WDR73: variants seen among roughly 807,000 people sequenced by gnomAD.
The protein encoded by WDR73 is WD repeat domain 73.
WDR73 carries 30 observed loss-of-function variants against 38.2 expected under a neutral mutation model. The observed-to-expected ratio is 0.79, with a 90% CI of 0.59 to 1.06. The LOEUF (loss-of-function observed/expected upper bound fraction) is 1.06. Among genes scored for constraint, WDR73 ranks in the 50% least tolerant of loss-of-function variants. The pLI is 0.00. For synonymous variants in WDR73, 197 were observed against 176.0 expected, an observed-to-expected ratio of 1.12 and a Z score of -0.94; for missense variants, 487 against 467.0, an observed-to-expected ratio of 1.04 and a Z score of -0.40.
intron 3 of WDR73, among the ~76,000 whole-genome samples, chr15:84,649,758 C>T (rs939816722): frequency 1.3e-5 from 2 of 152,148 alleles, no homozygotes; most frequent in African/African-American, 4.8e-5. Flanking sequence ...ACATAAGCCA[C>T]CACACCTGGT....
chr15:84,646,200 C>T lies in WDR73; in HGVS notation c.501G>A (p.Lys167=), dbSNP rs1896453632. Residue 167 remains lysine (K), a synonymous_variant, in exon 6 of 8, where the codon AAG becomes AAA. Coordinates refer to ENST00000434634, the MANE Select transcript of WDR73 (RefSeq NM_032856.5). ...SLQVVDLESR[K]TTYTSDVSDS... ...CCACGGTACCTGAGGTGTACGTGGTCTTCCGGGACTCCAGATCAACGACCT... is the reference window on the plus strand; with the variant it reads ...CCACGGTACCTGAGGTGTACGTGGTTTTCCGGGACTCCAGATCAACGACCT... 1 of 1,613,770 alleles carries T rather than the reference C, an allele frequency of 6.2e-7. No homozygotes were observed. The highest frequency in any genetic ancestry group is 1.1e-5 in the South Asian group (1 of 91,078).
In WDR73 at chr15:84,642,567, G is replaced by A. The variant is rs1896295286; in HGVS notation, c.*903C>T. The A allele has an allele frequency of 6.6e-6, 1 of 151,582 alleles. No homozygotes were observed. Among genetic ancestry groups the A allele is most frequent in the African/African-American group, 2.4e-5 (1 of 41,182 alleles). 9.4% of individuals were successfully genotyped at this position (151,582 alleles called of 1,614,324 possible). A position where few individuals can be genotyped will look rare whatever the true frequency, so the allele number is the denominator to read the frequency against. On this transcript the variant is annotated 3_prime_UTR_variant, in exon 8 of 8. Transcript: ENST00000434634. ...CTGCAAACTTCAACTGCCAGGCTCA[G>A]GCAACCCTCCCACCTCAGCCTCTTG...
Position 84,648,684 on chromosome 15 carries a change from ACT to A in WDR73, c.199-61_199-60del, listed in dbSNP as rs529626604. On this transcript the variant is annotated intron_variant, in intron 3 of 7. Transcript: ENST00000434634. ...CTCTTCAAATGAACATTTCAGAGGA[ACT>A]CTAAGTGAGGAGTCAGGTCCTAGCC... 242 of 1,374,794 alleles carry A rather than the reference ACT, an allele frequency of 1.8e-4. 6 individuals carry two copies. In the Admixed American group the frequency reaches 4.0e-3, roughly 23 times the overall value. 85.2% of individuals were successfully genotyped at this position (1,374,794 alleles called of 1,614,324 possible).
At chr15:84,648,028 A>T (rs1320698173) in intron 4 of WDR73, 74 bp from the exon 5 acceptor site, 4 of 1,388,542 alleles carry the variant, frequency 2.9e-6, no homozygotes, top group Non-Finnish European at 4.1e-6. Flanking sequence ...TTTCCAGCAC[A>T]CTTAGCTTGG....
intron 5 of WDR73, 128 bp downstream of exon 5, chr15:84,647,762 G>T: frequency 1.1e-6 from 1 of 893,326 alleles, no homozygotes; most frequent in African/African-American, 1.7e-5. Context: ...CTCCCAAAGT[G>T]CTACAATTAC....
At chr15:84,649,383 G>A (rs1567023987) in intron 3 of WDR73, among the ~76,000 whole-genome samples, 2 of 152,170 alleles carry the variant, frequency 1.3e-5, no homozygotes, top group South Asian at 4.1e-4. Context: ...AAGCCTGACT[G>A]GAGATGGGGA....
At chr15:84,653,589 G>C (rs1567025829) in intron 2 of WDR73, 43 bp downstream of exon 2, 2 of 1,494,056 alleles carry the variant, frequency 1.3e-6, no homozygotes, top group Non-Finnish European at 1.8e-6. Flanking sequence ...ACCCAGCTCA[G>C]GAGTGAGATT....
rs1896219730 is a variant in WDR73, at chr15:84,640,328, T to C, written c.*3142A>G. On this transcript the variant is annotated 3_prime_UTR_variant, in exon 8 of 8. Transcript: ENST00000434634. ...TCGGGGGAAAAATTGGTGACAACTT[T>C]AAGAAATACTGTTTATATCCCGTCC... 1 of 152,340 alleles carries C rather than the reference T, an allele frequency of 6.6e-6. No individual in the cohort carries two copies. Among genetic ancestry groups the C allele is most frequent in the South Asian group, 2.1e-4 (1 of 4,832 alleles). 9.4% of individuals were successfully genotyped at this position (152,340 alleles called of 1,614,324 possible).
chr15:84,653,463 C>G (rs1333093336), intron 2 of WDR73, 169 bp downstream of exon 2: 3 of 565,564 alleles, frequency 5.3e-6, no homozygotes, highest in Non-Finnish European at 9.7e-6. Flanking sequence ...AACCACTGCT[C>G]CCGGTCAGAG....
Position 84,643,255 on chromosome 15 carries a change from T to C in WDR73, c.*215A>G, listed in dbSNP as rs561849993. 7.8e-5 allele frequency: 46 copies of C among 589,126 alleles called. No homozygotes were observed. The South Asian group carries it at 8.7e-4, about 11-fold the overall frequency. The allele number at this position is 589,126 out of a possible 1,614,324, so 36.5% of individuals were successfully genotyped here. On this transcript the variant is annotated 3_prime_UTR_variant, in exon 8 of 8. Coordinates refer to ENST00000434634, the MANE Select transcript of WDR73 (RefSeq NM_032856.5). ...CAATAGCTACCAAGTAATTATGCCA[T>C]GCGTTTCTTCTAACCTTCGCAATAT...
Position 84,643,480 on chromosome 15 carries a change from G to A in WDR73, c.1127C>T (p.Ala376Val), listed in dbSNP as rs1464909388. 5.8e-6 allele frequency: 9 copies of A among 1,556,116 alleles called. No individual in the cohort carries two copies. The highest frequency in any genetic ancestry group is 4.1e-5 in the African/African-American group (3 of 73,392). Residue 376 changes from alanine (A) to valine (V), a missense_variant, in exon 8 of 8, where the codon GCC becomes GTC. By Grantham distance (64) the Ala-to-Val change is moderately conservative. Transcript: ENST00000434634. ...GGAAAGATGCTGGTGTCAGCGGGGG[G>A]CACAAAGGTCCACCCAGTCCCACAC... ...LHVWDWVDLC[A>V]PR
Position 84,646,344 on chromosome 15 carries a change from G to A in WDR73, c.357C>T (p.Val119=), listed in dbSNP as rs375046213. The part of the protein sequence containing the change: ...QVWQVAEDSD[V]IKAVSTIAVH... ...CAGCAATGGTGCTGACAGCTTTAAT[G>A]ACATCTAGGGGAAAACGAAGAGGCC... The change falls in exon 6 of 8, where the codon GTC becomes GTT. Residue 119 remains valine, a synonymous_variant. Coordinates refer to ENST00000434634, the MANE Select transcript of WDR73 (RefSeq NM_032856.5). 9 of 1,610,990 alleles carry A rather than the reference G, an allele frequency of 5.6e-6. No homozygotes were observed. In the African/African-American group the frequency reaches 1.1e-4, roughly 19 times the overall value.
chr15:84,649,562 C>T (rs1481263861), intron 3 of WDR73, among the ~76,000 whole-genome samples: 1 of 151,866 alleles, frequency 6.6e-6, no homozygotes, highest in Non-Finnish European at 1.5e-5. Context: ...CTCTGTCTCC[C>T]CAGTTTAAGC....
chr15:84,646,287 C>A lies in WDR73; in HGVS notation c.414G>T (p.Arg138Ser), dbSNP rs1225788609. 4.3e-6 allele frequency: 7 copies of A among 1,613,844 alleles called. No homozygotes were observed. The highest frequency in any genetic ancestry group is 1.3e-5 in the African/African-American group (1 of 74,922). ...VHEKEESLWP[R>S]VAVFSTLAPG... ...GTGCCAATGTGGAGAAGACGGCCAC[C>A]CTAGGCCAGAGACTCTCCTCTTTCT... The change falls in exon 6 of 8, where the codon AGG becomes AGT. Residue 138 changes from arginine to serine, a missense_variant. Physicochemically the swap from Arg to Ser is moderately radical, Grantham distance 110. Transcript: ENST00000434634.
chr15:84,652,865 C>G, intron 2 of WDR73, 63 bp from the exon 3 acceptor site: 1 of 994,474 alleles, frequency 1.0e-6, no homozygotes, highest in Non-Finnish European at 1.5e-6. Flanking sequence ...CATGCAATCC[C>G]CCGAAGTAAG....
chr15:84,652,850 C>A, intron 2 of WDR73, 48 bp from the exon 3 acceptor site: 1 of 1,176,468 alleles, frequency 8.5e-7, no homozygotes. Flanking sequence ...AGAAAGATTG[C>A]AGACCATGCA....
rs1896457722 is a variant in WDR73, at chr15:84,646,261, G to A, written c.440C>T (p.Pro147Leu). ...GAGCCTCGCCCCATGGAGGACTCCG[G>A]GTGCCAATGTGGAGAAGACGGCCAC... ...PRVAVFSTLA[P>L]GVLHGARLRS... The change falls in exon 6 of 8, where the codon CCC (proline) becomes CTC (leucine). Residue 147 changes from proline to leucine, a missense_variant. Transcript: ENST00000434634. 6.2e-7 allele frequency: 1 copy of A among 1,613,950 alleles called. No homozygotes were observed. The highest frequency in any genetic ancestry group is 8.5e-7 in the Non-Finnish European group (1 of 1,179,894).
chr15:84,643,476 G>C lies in WDR73; in HGVS notation c.1131C>G (p.Pro377=). 3 of 1,555,194 alleles carry C rather than the reference G, an allele frequency of 1.9e-6. No individual in the cohort carries two copies. Among genetic ancestry groups the C allele is most frequent in the Non-Finnish European group, 2.6e-6 (3 of 1,149,056 alleles). Residue 377 remains proline, a synonymous_variant, in exon 8 of 8, where the codon CCC becomes CCG. Transcript: ENST00000434634. ...HVWDWVDLCA[P]R ...AGATGGAAAGATGCTGGTGTCAGCG[G>C]GGGGCACAAAGGTCCACCCAGTCCC...
intron 6 of WDR73, 54 bp from the exon 7 acceptor site, chr15:84,645,890 A>G (rs757884341): frequency 5.0e-6 from 8 of 1,609,854 alleles, no homozygotes; most frequent in African/African-American, 2.7e-5. Flanking sequence ...GGGTCTGGCA[A>G]TTTGGCAGGG....
Sources: allele counts gnomAD v4.1 joint callset (sites outside exome capture counted in the v4.1 genomes callset), GRCh38; gene constraint gnomAD v4.1.1; transcripts MANE v1.5; gene names NCBI Gene and HGNC (gene_info 2026-07-23, HGNC 2026-07-21).